Variants in PLEKHG1 observed in about 807,000 individuals in gnomAD.
PLEKHG1 encodes pleckstrin homology domain-containing family G member 1.
In PLEKHG1, 44 loss-of-function variants were observed where a neutral mutation model predicts 100.8. The observed-to-expected ratio is 0.44, with a 90% confidence interval of 0.34 to 0.56. The LOEUF (loss-of-function observed/expected upper bound fraction) is 0.56. Ranked by LOEUF, PLEKHG1 falls within the 20% of genes least tolerant of loss-of-function variation. PLEKHG1 has a pLI of 0.01. For synonymous variants in PLEKHG1, 640 were observed against 662.5 expected (o/e 0.97, Z 0.52); for missense variants, 1,545 against 1,720.9 (o/e 0.90, Z 1.81).
rs541954184 is a variant in PLEKHG1 at position 150,831,523 on chromosome 6, C to T, written c.2412C>T (p.Pro804=). 9.9e-6 allele frequency: 16 copies of T among 1,614,068 alleles called. No individual in the cohort carries two copies. Among genetic ancestry groups the T allele is most frequent in the East Asian group, 4.5e-5 (2 of 44,880 alleles). Reference sequence around the variant, plus strand: ...AAGCCCCTTACCATCAGGCCACTCCCGATCATGGTTATCTGAGTTTGCTGT... The same window carrying T: ...AAGCCCCTTACCATCAGGCCACTCCTGATCATGGTTATCTGAGTTTGCTGT... The change falls in exon 15 of 16, where the codon CCC becomes CCT. Residue 804 remains proline, a synonymous_variant. Transcript: ENST00000358517. The surrounding 1 kb of genome is among the most constrained non-coding windows in gnomAD (Gnocchi z 4.1).
chr6:150,773,395 G>A (rs1297915186), intron 3 of PLEKHG1, among the ~76,000 whole-genome samples: 1 of 152,282 alleles, frequency 6.6e-6, no homozygotes, highest in Admixed American at 6.5e-5. Context: ...TTAGCCAGGC[G>A]TGGTGGCGAG....
intron 3 of PLEKHG1, among the ~76,000 whole-genome samples, chr6:150,769,584 C>CAAAAAAAA (rs5880898): frequency 4.7e-5 from 3 of 64,332 alleles, no homozygotes; most frequent in East Asian, 3.6e-4. Flanking sequence ...GACTCCATCT[C>CAAAAAAAA]AAAAAAAAAA....
At chr6:150,686,206 T>C (rs1367828700) in intron 3 of PLEKHG1, among the ~76,000 whole-genome samples, 3 of 152,266 alleles carry the variant, frequency 2.0e-5, no homozygotes, top group Non-Finnish European at 2.9e-5. Flanking sequence ...AATTAGGTCA[T>C]TGGATTCGAT....
At chr6:150,705,577 T>C (rs1227008628) in intron 3 of PLEKHG1, among the ~76,000 whole-genome samples, 1 of 152,254 alleles carries the variant, frequency 6.6e-6, no homozygotes, top group Non-Finnish European at 1.5e-5. Flanking sequence ...CCTTGCAAAC[T>C]AAGCATGTTA....
At chr6:150,726,430 C>A (rs893116394) in intron 1 of PLEKHG1, among the ~76,000 whole-genome samples, 4 of 151,744 alleles carry the variant, frequency 2.6e-5, no homozygotes, top group African/African-American at 9.7e-5. Flanking sequence ...TTAATCATAC[C>A]CCAATAAAAT....
intron 3 of PLEKHG1, among the ~76,000 whole-genome samples, chr6:150,675,056 C>G (rs1779711969): frequency 6.6e-6 from 1 of 152,058 alleles, no homozygotes; most frequent in Non-Finnish European, 1.5e-5. Context: ...ATAATAAGCT[C>G]AAAACTTTGG....
At chr6:150,677,474 T>A (rs1779800285) in intron 3 of PLEKHG1, among the ~76,000 whole-genome samples, 1 of 152,208 alleles carries the variant, frequency 6.6e-6, no homozygotes, top group Non-Finnish European at 1.5e-5. Context: ...TGCCTGTTTG[T>A]TCTTCCAGAC....
intron 10 of PLEKHG1, among the ~76,000 whole-genome samples, chr6:150,815,662 G>T (rs1787824931): frequency 6.6e-6 from 1 of 152,026 alleles, no homozygotes; most frequent in Non-Finnish European, 1.5e-5. Flanking sequence ...TTTCTCTAAG[G>T]TGACTGTGTT....
intron 3 of PLEKHG1, among the ~76,000 whole-genome samples, chr6:150,779,349 T>TTTTTTTTGTTTTG (rs1562511414): frequency 2.1e-5 from 3 of 144,894 alleles, no homozygotes; most frequent in African/African-American, 8.1e-5. Context: ...AAGAAGTTTT[T>TTTTTTTTGTTTTG]TTTTTTTTTT....
chr6:150,803,205 G>A (rs935172754), intron 6 of PLEKHG1, among the ~76,000 whole-genome samples: 2 of 152,108 alleles, frequency 1.3e-5, no homozygotes, highest in Non-Finnish European at 1.5e-5. Flanking sequence ...AGTAAACAAA[G>A]ATTTACATTG....
exon 16 of PLEKHG1, chr6:150,840,749 A>G: frequency 1.2e-6 from 2 of 1,614,202 alleles, no homozygotes; most frequent in Non-Finnish European, 8.5e-7. Flanking sequence ...TTAACAGCAA[A>G]CTTGGCCTTT....
At chr6:150,734,977 CAG>C (rs1782485005) in intron 2 of PLEKHG1, among the ~76,000 whole-genome samples, 1 of 135,954 alleles carries the variant, frequency 7.4e-6, no homozygotes, top group Admixed American at 7.9e-5. Context: ...ATCTCAAGGG[CAG>C]ATTTTTTTTT....
intron 14 of PLEKHG1, chr6:150,827,517 T>G: frequency 1.9e-6 from 1 of 518,582 alleles, no homozygotes; most frequent in East Asian, 3.7e-5. Flanking sequence ...CTCAGGTGAT[T>G]CGCCCGCCTC....
intron 2 of PLEKHG1, among the ~76,000 whole-genome samples, chr6:150,649,164 G>A (rs150628025): frequency 1.8e-3 from 278 of 152,158 alleles, no homozygotes; most frequent in African/African-American, 6.0e-3. Context: ...AAATGAAACT[G>A]CATTGTTTTT....
rs76373358 is a variant in PLEKHG1 at position 150,749,156 on chromosome 6, G to A, written c.411+15064G>A. Among the ~76,000 whole-genome samples, 839 of 152,244 alleles carry A rather than the reference G, an allele frequency of 5.5e-3. 20 individuals are homozygous for A. The highest frequency in any genetic ancestry group is 0.048 in the East Asian group (251 of 5,188). The stretch of plus-strand genomic sequence containing the variant: ...TGCATCCTAGCCCTGCCTCCCAGCC[G>A]TTTCATTTGGAGACAACTGGAAAAA... On this transcript the variant is annotated intron_variant, in intron 2 of 15. Transcript: ENST00000358517.
chr6:150,804,082 C>G (rs1221193806), intron 6 of PLEKHG1, among the ~76,000 whole-genome samples: 2 of 141,710 alleles, frequency 1.4e-5, no homozygotes, highest in Non-Finnish European at 3.0e-5. Context: ...TTTTTTTTCC[C>G]CTTGTCTTAC....
At chr6:150,803,843 G>A (rs1202314387) in intron 6 of PLEKHG1, among the ~76,000 whole-genome samples, 1 of 151,552 alleles carries the variant, frequency 6.6e-6, no homozygotes, top group East Asian at 1.9e-4. Context: ...AATAAATAAG[G>A]GAAAAAAATA....
chr6:150,702,557 G>GGGGTGTGTGTGT (rs1554261632), intron 3 of PLEKHG1, among the ~76,000 whole-genome samples: 4 of 142,918 alleles, frequency 2.8e-5, no homozygotes, highest in East Asian at 2.1e-4. Context: ...TTTGTTTTGG[G>GGGGTGTGTGTGT]GTGTGTGTGT....
At chr6:150,785,431 A>G (rs1018178154) in intron 3 of PLEKHG1, among the ~76,000 whole-genome samples, 5 of 152,234 alleles carry the variant, frequency 3.3e-5, no homozygotes, top group African/African-American at 1.2e-4. Context: ...TGACCCATCA[A>G]TTCCATATGT....
Sources: gnomAD v4.1 joint callset for allele counts (sites outside exome capture counted in the v4.1 genomes callset) on GRCh38, gnomAD v4.1.1 for gene constraint, Gnocchi (gnomAD v3.1) non-coding constraint, MANE v1.5 for transcripts, NCBI Gene and HGNC (gene_info 2026-07-23, HGNC 2026-07-21) for gene names.